Variants in TTLL5 observed in about 807,000 individuals in gnomAD.
TTLL5 encodes the protein tubulin tyrosine ligase like 5.
In TTLL5, 132 loss-of-function variants were observed where a neutral mutation model predicts 168.4. The observed-to-expected ratio is 0.78, with a 90% CI of 0.68 to 0.91. The LOEUF is 0.91. Among genes scored for constraint, TTLL5 ranks in the 40% least tolerant of loss-of-function variants. The pLI is 0.00. For missense variants in TTLL5, 1,545 were observed against 1,581.5 expected (o/e 0.98, Z 0.39); for synonymous variants, 546 against 558.6 (o/e 0.98, Z 0.32).
chr14:75,810,557 G>C (rs748967984), intron 27 of TTLL5, among the ~76,000 whole-genome samples: 4 of 151,846 alleles, frequency 2.6e-5, no homozygotes, highest in Non-Finnish European at 5.9e-5. Flanking sequence ...TTGTAGAGAT[G>C]GGGTCTCTTA....
At chr14:75,863,565 C>T (rs1304459708) in intron 28 of TTLL5, 102 bp from the exon 29 acceptor site, 2 of 1,149,422 alleles carry the variant, frequency 1.7e-6, no homozygotes, top group Non-Finnish European at 2.4e-6. Flanking sequence ...CCAAACTGTG[C>T]TTGGTTCCAT....
At chr14:75,800,441 G>A (rs1211465621) in intron 27 of TTLL5, among the ~76,000 whole-genome samples, 5 of 151,998 alleles carry the variant, frequency 3.3e-5, no homozygotes, top group African/African-American at 9.7e-5. Context: ...CCTTAAATAG[G>A]TAAATAATCG....
chr14:75,947,506 CA>C (rs1436305592), intron 31 of TTLL5, among the ~76,000 whole-genome samples: 5 of 151,820 alleles, frequency 3.3e-5, no homozygotes, highest in African/African-American at 1.2e-4. Flanking sequence ...TTAATAAATA[CA>C]TATTTATGAA....
intron 30 of TTLL5, 51 bp from the exon 31 acceptor site, chr14:75,902,091 C>A: frequency 6.5e-7 from 1 of 1,545,130 alleles, no homozygotes; most frequent in Non-Finnish European, 8.9e-7. Context: ...GGTCCTGCAC[C>A]TGACCTCACC....
In TTLL5 at chr14:75,745,176, G is replaced by A; in HGVS notation, c.1363G>A (p.Gly455Ser). Residue 455 changes from glycine to serine, a missense_variant, in exon 16 of 32, where the codon GGT becomes AGT. Coordinates refer to ENST00000298832, the MANE Select transcript of TTLL5 (RefSeq NM_015072.5). ...SAREKGPGKL[G>S]GSVLGLSMEE... is the part of the protein sequence containing the mutation. ...CCGGGAGAAAGGGCCAGGGAAGTTG[G>A]GTGGTTCTGTGCTTGGTCTGTCAAT... The A allele has an allele frequency of 6.2e-7, 1 of 1,613,944 alleles. No homozygotes were observed. The highest frequency in any genetic ancestry group is 8.5e-7 in the Non-Finnish European group (1 of 1,179,912).
rs182502632 is a variant in TTLL5 at position 75,772,707 on chromosome 14, G to A, written c.2136+853G>A. Among the ~76,000 whole-genome samples the A allele has an allele frequency of 5.4e-5, 8 of 148,242 alleles. No homozygotes were observed. In the East Asian group the frequency reaches 6.0e-4, roughly 11 times the overall value. ...TTTTGAGACAGAGTCTTGCTCTGTC[G>A]CCCAGGCTGGAGTGCAGTGGTGCGA... On this transcript the variant is annotated intron_variant, in intron 21 of 31. Transcript: ENST00000298832.
Position 75,871,693 on chromosome 14 carries a change from T to C in TTLL5, c.3522+7831T>C, listed in dbSNP as rs911438846. Among the ~76,000 whole-genome samples, 62 of 152,126 alleles carry C rather than the reference T, an allele frequency of 4.1e-4. 1 individual carries two copies. Among genetic ancestry groups the C allele is most frequent in the Non-Finnish European group, 2.1e-4 (14 of 68,020 alleles). ...GGCCTGTGGTTTGTTTGTTTGTCTG[T>C]AGGTATATGAGGGACTCCCAGCAGT... On this transcript the variant is annotated intron_variant, in intron 29 of 31. Coordinates refer to ENST00000298832, the MANE Select transcript of TTLL5 (RefSeq NM_015072.5).
At chr14:75,908,587 G>T (rs934955010) in intron 31 of TTLL5, among the ~76,000 whole-genome samples, 2 of 152,170 alleles carry the variant, frequency 1.3e-5, no homozygotes, top group African/African-American at 4.8e-5. Context: ...AAAAACGTCA[G>T]TTGTCCTTAT....
intron 31 of TTLL5, among the ~76,000 whole-genome samples, chr14:75,954,082 A>G (rs1317220209): frequency 6.6e-6 from 1 of 152,018 alleles, no homozygotes; most frequent in African/African-American, 2.4e-5. Flanking sequence ...CCCCATCTCC[A>G]CTAAAAATAC....
chr14:75,842,301 C>T (rs1896302894), intron 28 of TTLL5, among the ~76,000 whole-genome samples: 1 of 152,168 alleles, frequency 6.6e-6, no homozygotes. Context: ...GACTGTCGCT[C>T]TCCCACTTTT....
chr14:75,690,111 C>A, intron 5 of TTLL5, 81 bp from the exon 6 acceptor site: 1 of 1,514,382 alleles, frequency 6.6e-7, no homozygotes, highest in Non-Finnish European at 9.1e-7. Flanking sequence ...GGACTGTGAA[C>A]TGTAACTCTT....
In TTLL5 at chr14:75,926,156, CTTTTTTTTTTTTTTTTT is replaced by C. The variant is rs34048806; in HGVS notation, c.3823+23944_3823+23960del. On this transcript the variant is annotated intron_variant, in intron 31 of 31. Coordinates refer to ENST00000298832, the MANE Select transcript of TTLL5 (RefSeq NM_015072.5). ...TTAAAGACTAGGATTGCAACCCCAG[CTTTTTTTTTTTTTTTTT>C]TTTTTTTTTTTGCTTTCCATTTGCC... Among the ~76,000 whole-genome samples the C allele has an allele frequency of 1.3e-4, 4 of 29,960 alleles. 1 individual carries two copies. The East Asian group carries it at 4.0e-3, about 30-fold the overall frequency. The allele number at this position is 29,960 out of a possible 152,430, so 19.7% of individuals were successfully genotyped here.
rs76733656 is a variant in TTLL5 at position 75,863,911 on chromosome 14, T to TA, written c.3522+72dup. The TA allele has an allele frequency of 5.5e-3, 554 of 99,866 alleles. 2 individuals carry two copies. The highest frequency in any genetic ancestry group is 0.01 in the Middle Eastern group (2 of 200). 6.2% of individuals were successfully genotyped at this position (99,866 alleles called of 1,614,324 possible). On this transcript the variant is annotated intron_variant, in intron 29 of 31. Transcript: ENST00000298832. ...ATGTGTTATATCTTCCTGCTGTTGG[T>TA]AAAAAAAAAAAAAAAAAAAAAAAGG...
In TTLL5 at chr14:75,942,482, G is replaced by C. The variant is rs1253412730; in HGVS notation, c.3824-11942G>C. Among the ~76,000 whole-genome samples, 60 of 152,330 alleles carry C rather than the reference G, an allele frequency of 3.9e-4. No individual in the cohort carries two copies. In the South Asian group the frequency reaches 0.01, roughly 26 times the overall value. On this transcript the variant is annotated intron_variant, in intron 31 of 31. Transcript: ENST00000298832. ...GATCTCAGCACTTAAGAGTGTAGCA[G>C]TGAAAATAAGCAGTATATGCAAGAC...
chr14:75,924,088 AT>A (rs2033921526), intron 31 of TTLL5, among the ~76,000 whole-genome samples: 1 of 145,500 alleles, frequency 6.9e-6, no homozygotes, highest in Non-Finnish European at 1.5e-5. Flanking sequence ...ATCTTCGTCC[AT>A]CCCTTTGTTT....
chr14:75,877,834 G>C (rs146395270), intron 29 of TTLL5, among the ~76,000 whole-genome samples: 20 of 152,300 alleles, frequency 1.3e-4, no homozygotes, highest in African/African-American at 4.6e-4. Context: ...GGACTCTCAG[G>C]GTGCCTGGAG....
intron 20 of TTLL5, among the ~76,000 whole-genome samples, chr14:75,770,845 C>A (rs1891265395): frequency 6.6e-6 from 1 of 152,188 alleles, no homozygotes; most frequent in South Asian, 2.1e-4. Context: ...TGTTGGACCT[C>A]CCTCATTTGC....
In TTLL5 at chr14:75,663,169, G is replaced by A. The variant is rs768550031; in HGVS notation, c.20G>A (p.Arg7Gln). MPIVMARDLEETASSSE... is the reference protein window; with the variant it reads MPIVMAQDLEETASSSE... ...AAGGAAATGCCAATCGTGATGGCCC[G>A]GGACCTGGAGGAAACAGCATCATCC... is the stretch of plus-strand genomic sequence containing the variant. The change falls in exon 2 of 32, where the codon CGG (arginine) becomes CAG (glutamine). Residue 7 changes from arginine (R) to glutamine (Q), a missense_variant. Coordinates refer to ENST00000298832, the MANE Select transcript of TTLL5 (RefSeq NM_015072.5). 17 of 1,613,656 alleles carry A rather than the reference G, an allele frequency of 1.1e-5. No individual in the cohort carries two copies. The highest frequency in any genetic ancestry group is 6.7e-5 in the East Asian group (3 of 44,876).
At chr14:75,813,258 CTGTGTGTGTGTTTGTG>C (rs1377312957) in intron 27 of TTLL5, among the ~76,000 whole-genome samples, 10 of 116,710 alleles carry the variant, frequency 8.6e-5, no homozygotes, top group Non-Finnish European at 1.4e-4. Context: ...TATCCAGGCA[CTGTGTGTGTGTTTGTG>C]TGTGTGTGTG....
Sources: gnomAD v4.1 joint callset for allele counts (sites outside exome capture counted in the v4.1 genomes callset) on GRCh38, gnomAD v4.1.1 for gene constraint, MANE v1.5 for transcripts, NCBI Gene and HGNC (gene_info 2026-07-23, HGNC 2026-07-21) for gene names.